The following SACS variants were observed in gnomAD, a reference collection of about 807,000 sequenced individuals.
The protein encoded by SACS is sacsin.
Under a neutral mutation model 348.0 loss-of-function variants are expected in SACS, and 197 were observed. The observed-to-expected ratio is 0.57, with a 90% CI of 0.50 to 0.64. The LOEUF (loss-of-function observed/expected upper bound fraction) is 0.64. Among genes scored for constraint, SACS ranks in the 30% least tolerant of loss-of-function variants. The probability of loss-of-function intolerance (pLI) is 0.00; values close to 1 mark genes in which losing one functional copy is unlikely to be tolerated. For missense variants in SACS, 4,999 were observed against 5,360.8 expected (o/e 0.93, Z 2.11); for synonymous variants, 1,985 against 1,910.6 (o/e 1.04, Z -1.02).
At chr13:23,413,573 A>G (rs1873584876) in intron 1 of SACS, among the ~76,000 whole-genome samples, 1 of 152,210 alleles carries the variant, frequency 6.6e-6, no homozygotes, top group Admixed American at 6.5e-5. Flanking sequence ...TTGTGGGGAA[A>G]AAAAGGAATG....
At chr13:23,409,574 C>T (rs1404419809) in intron 2 of SACS, among the ~76,000 whole-genome samples, 2 of 151,528 alleles carry the variant, frequency 1.3e-5, no homozygotes, top group Non-Finnish European at 2.9e-5. Flanking sequence ...TCTGGAACTC[C>T]TGACCTCAGC....
In SACS at chr13:23,335,898, A is replaced by T; in HGVS notation, c.7978T>A (p.Ser2660Thr). The T allele has an allele frequency of 1.9e-6, 3 of 1,613,392 alleles. No individual in the cohort carries two copies. In the South Asian group the frequency reaches 3.3e-5, roughly 18 times the overall value. The change falls in exon 10 of 10, where the codon TCC becomes ACC. Residue 2660 changes from serine (S) to threonine (T), a missense_variant. Physicochemically the swap from Ser to Thr is moderately conservative, Grantham distance 58. This residue lies in a region of SACS where 3,156 missense variants were observed against 3,380.1 expected (regional missense o/e 0.93). Coordinates refer to ENST00000382292, the MANE Select transcript of SACS (RefSeq NM_014363.6). This position sits in a 1 kb window ranked among gnomAD's most constrained non-coding sequence, Gnocchi z 4.7. ...CTAAACATGCGTCCGGGACTAATGG[A>T]TGTGGCCCCTGGTGCATATCTGGCA... ...PHARYAPGAT[S>T]ISPGRMFRDL...
At chr13:23,343,989 G>A (rs542429937) in intron 9 of SACS, among the ~76,000 whole-genome samples, 9 of 152,272 alleles carry the variant, frequency 5.9e-5, no homozygotes, top group East Asian at 1.9e-4. Context: ...TGTGATTTAC[G>A]ATAATGCAAG....
Position 23,338,843 on chromosome 13 carries a change from A to T in SACS, c.5033T>A (p.Leu1678His), listed in dbSNP as rs1489357891. ...GAAAATGATAAGCCTGTGTCCACAG[A>T]GACTAAATTCATCCACAAGAGAATA... ...DIYSLVDEFS[L>H]CGHRLIIFTQ... The change falls in exon 10 of 10, where the codon CTC becomes CAC. Residue 1678 changes from leucine to histidine, a missense_variant. Coordinates refer to ENST00000382292, the MANE Select transcript of SACS (RefSeq NM_014363.6). 5.6e-6 allele frequency: 9 copies of T among 1,612,876 alleles called. No homozygotes were observed. In the Admixed American group the frequency reaches 1.2e-4, roughly 21 times the overall value.
chr13:23,361,213 GC>G (rs1870716109), intron 6 of SACS, among the ~76,000 whole-genome samples: 1 of 152,254 alleles, frequency 6.6e-6, no homozygotes, highest in Admixed American at 6.5e-5. Context: ...GCAGAACCAG[GC>G]AGAGCATACA....
intron 6 of SACS, among the ~76,000 whole-genome samples, 160 bp downstream of exon 6, chr13:23,365,006 C>A (rs1870972740): frequency 6.6e-6 from 1 of 152,166 alleles, no homozygotes; most frequent in African/African-American, 2.4e-5. Context: ...CTGGTGGAGA[C>A]ACCTTCCCAC....
intron 1 of SACS, among the ~76,000 whole-genome samples, chr13:23,432,142 G>A (rs895116615): frequency 1.3e-5 from 2 of 152,194 alleles, no homozygotes; most frequent in African/African-American, 2.4e-5. Context: ...ATTGGAACCC[G>A]GGGCTTCTGG....
chr13:23,347,863 AG>A (rs376652576), intron 9 of SACS, among the ~76,000 whole-genome samples: 1 of 152,284 alleles, frequency 6.6e-6, no homozygotes, highest in African/African-American at 2.4e-5. Context: ...CATGGAACTA[AG>A]GGAAGGAGAT....
intron 1 of SACS, among the ~76,000 whole-genome samples, chr13:23,423,559 T>G (rs574894204): frequency 1.3e-5 from 2 of 152,316 alleles, no homozygotes; most frequent in South Asian, 4.1e-4. Flanking sequence ...TTGCAGAGAT[T>G]ATTAGGCCTC....
intron 2 of SACS, among the ~76,000 whole-genome samples, chr13:23,376,250 G>A (rs1048211884): frequency 1.3e-5 from 2 of 152,310 alleles, no homozygotes; most frequent in South Asian, 4.1e-4. Flanking sequence ...AGGAACATGA[G>A]TCTTAAGAGT....
intron 1 of SACS, among the ~76,000 whole-genome samples, chr13:23,430,308 T>C (rs1566117014): frequency 2.0e-5 from 3 of 152,206 alleles, no homozygotes; most frequent in Non-Finnish European, 2.9e-5. Flanking sequence ...CTTAAAGACC[T>C]AACAAACTAA....
chr13:23,385,691 T>C (rs1206506273), intron 2 of SACS, among the ~76,000 whole-genome samples: 3 of 152,152 alleles, frequency 2.0e-5, no homozygotes, highest in African/African-American at 4.8e-5. Flanking sequence ...TCTAGAATGG[T>C]GAATCCTTTC....
chr13:23,405,406 T>A (rs1449011390), intron 2 of SACS, among the ~76,000 whole-genome samples: 1 of 152,074 alleles, frequency 6.6e-6, no homozygotes, highest in East Asian at 1.9e-4. Context: ...AAACATTAAC[T>A]CAAGATGGAT....
chr13:23,355,421 A>G lies in SACS; in HGVS notation c.1191T>C (p.Ser397=), dbSNP rs1310112559. ...TACTACTGATCCCTCGCCCACCCAC[A>G]CTGTTACACACCAACCAAGATGTTT... ...AQKTSWLVCN[S]VGGRGISSKL... The change falls in exon 8 of 10, where the codon AGT becomes AGC. Residue 397 remains serine, a synonymous_variant. Coordinates refer to ENST00000382292, the MANE Select transcript of SACS (RefSeq NM_014363.6). 3 of 1,613,970 alleles carry G rather than the reference A, an allele frequency of 1.9e-6. No individual in the cohort carries two copies. The Admixed American group carries it at 5.0e-5, about 27-fold the overall frequency.
chr13:23,369,280 CCTT>C (rs1871241964), intron 4 of SACS, among the ~76,000 whole-genome samples: 1 of 152,118 alleles, frequency 6.6e-6, no homozygotes, highest in Non-Finnish European at 1.5e-5. Context: ...ACTTCAAGTA[CCTT>C]CAAGCCTTGC....
chr13:23,433,296 G>C (rs1874511676), intron 1 of SACS, among the ~76,000 whole-genome samples: 1 of 152,106 alleles, frequency 6.6e-6, no homozygotes, highest in Non-Finnish European at 1.5e-5. Flanking sequence ...CATCTTGACC[G>C]CGGCAGATCT....
At chr13:23,347,259 G>A (rs1324392345) in intron 9 of SACS, among the ~76,000 whole-genome samples, 1 of 151,998 alleles carries the variant, frequency 6.6e-6, no homozygotes, top group Non-Finnish European at 1.5e-5. Context: ...TACACAAAGT[G>A]TACAATTAAT....
chr13:23,420,180 A>G (rs1873867795), intron 1 of SACS, among the ~76,000 whole-genome samples: 1 of 152,096 alleles, frequency 6.6e-6, no homozygotes, highest in Admixed American at 6.5e-5. Context: ...CCTATGGATT[A>G]GATACCCAAC....
chr13:23,370,147 C>T (rs980028578), intron 4 of SACS, among the ~76,000 whole-genome samples: 3 of 152,190 alleles, frequency 2.0e-5, no homozygotes, highest in African/African-American at 7.2e-5. Context: ...TGTGGGCCAC[C>T]ACACCCGGCC....
Sources: allele counts gnomAD v4.1 joint callset (sites outside exome capture counted in the v4.1 genomes callset), GRCh38; gene constraint gnomAD v4.1.1; regional missense constraint gnomAD v4.1.1; non-coding constraint Gnocchi (gnomAD v3.1); transcripts MANE v1.5; gene names NCBI Gene and HGNC (gene_info 2026-07-23, HGNC 2026-07-21).